Variants in TMPRSS11F observed in about 807,000 individuals in gnomAD.
TMPRSS11F encodes transmembrane protease serine 11F.
A neutral mutation model predicts 60.2 loss-of-function variants in TMPRSS11F; 47 were observed. The observed-to-expected ratio is 0.78, with a 90% CI of 0.62 to 1.00. The LOEUF (loss-of-function observed/expected upper bound fraction) is 1.00, where lower values mean the gene tolerates loss of function less well. Ranked by LOEUF, TMPRSS11F falls within the 50% of genes least tolerant of loss-of-function variation. The pLI is 0.00. For missense variants in TMPRSS11F, 519 were observed against 522.9 expected, an observed-to-expected ratio of 0.99 and a Z score of 0.07; for synonymous variants, 166 against 167.3, an observed-to-expected ratio of 0.99 and a Z score of 0.06.
intron 3 of TMPRSS11F, among the ~76,000 whole-genome samples, chr4:68,082,535 T>C (rs796544137): frequency 1.3e-5 from 2 of 152,332 alleles, no homozygotes; most frequent in Admixed American, 6.5e-5. Context: ...CCAAGGATGC[T>C]ACCTGGCTGC....
chr4:68,093,755 T>A (rs113984042), intron 2 of TMPRSS11F, among the ~76,000 whole-genome samples: 1,865 of 151,568 alleles, frequency 0.012, 35 homozygotes, highest in African/African-American at 0.043. Context: ...AACAGACACA[T>A]CTCAAAAGAA....
At chr4:68,060,429 C>T (rs1197437051) in intron 8 of TMPRSS11F, among the ~76,000 whole-genome samples, 4 of 127,662 alleles carry the variant, frequency 3.1e-5, no homozygotes, top group Non-Finnish European at 6.3e-5. Flanking sequence ...GGCAGGAGAA[C>T]GGCGTGAACC....
At chr4:68,125,109 T>A (rs1724691972) in intron 1 of TMPRSS11F, among the ~76,000 whole-genome samples, 1 of 151,806 alleles carries the variant, frequency 6.6e-6, no homozygotes, top group Non-Finnish European at 1.5e-5. Flanking sequence ...TTGAACCATA[T>A]GAAATTGCCT....
intron 8 of TMPRSS11F, among the ~76,000 whole-genome samples, chr4:68,060,631 GT>G (rs1723150087): frequency 7.5e-6 from 1 of 133,436 alleles, no homozygotes; most frequent in African/African-American, 2.8e-5. Flanking sequence ...ATTCCTACTC[GT>G]TTATTGTAAA....
rs747812705 is a variant in TMPRSS11F, at chr4:68,062,999, T to C, written c.1015+1686A>G. Reference sequence around the variant, plus strand: ...GAGAGACTGACATGCGGATGTACTTTCACTACAAGACATTTCTGACACGCT... The same window carrying C: ...GAGAGACTGACATGCGGATGTACTTCCACTACAAGACATTTCTGACACGCT... On this transcript the variant is annotated intron_variant, in intron 8 of 9. Transcript: ENST00000356291. The C allele has an allele frequency of 1.6e-5, 11 of 687,586 alleles. No individual in the cohort carries two copies. In the African/African-American group the frequency reaches 1.8e-4, roughly 11 times the overall value. The allele number at this position is 687,586 out of a possible 1,614,324, so 42.6% of individuals were successfully genotyped here.
At chr4:68,128,129 T>A (rs1027597584) in intron 1 of TMPRSS11F, among the ~76,000 whole-genome samples, 16 of 152,166 alleles carry the variant, frequency 1.1e-4, no homozygotes, top group Non-Finnish European at 2.1e-4. Context: ...ATAGTCTATC[T>A]GACTAATTCA....
At chr4:68,106,060 C>A (rs543614506) in intron 1 of TMPRSS11F, among the ~76,000 whole-genome samples, 1 of 152,214 alleles carries the variant, frequency 6.6e-6, no homozygotes, top group African/African-American at 2.4e-5. Flanking sequence ...GTTGTGACAT[C>A]ACATTAATGT....
intron 3 of TMPRSS11F, among the ~76,000 whole-genome samples, chr4:68,086,008 C>T (rs572113542): frequency 6.6e-6 from 1 of 152,230 alleles, no homozygotes; most frequent in East Asian, 1.9e-4. Context: ...TGGACAAAAA[C>T]TTGACACTTG....
chr4:68,057,819 A>G (rs1042860639), intron 9 of TMPRSS11F, among the ~76,000 whole-genome samples: 1 of 152,144 alleles, frequency 6.6e-6, no homozygotes, highest in African/African-American at 2.4e-5. Flanking sequence ...AATCAACCTC[A>G]GTGTTCATCA....
intron 3 of TMPRSS11F, among the ~76,000 whole-genome samples, chr4:68,082,391 T>C (rs1288686393): frequency 7.2e-5 from 11 of 152,038 alleles, no homozygotes. Context: ...CAGGAACCCA[T>C]CCTCCAAGGC....
At chr4:68,082,322 C>G (rs1723712661) in intron 3 of TMPRSS11F, among the ~76,000 whole-genome samples, 1 of 152,160 alleles carries the variant, frequency 6.6e-6, no homozygotes, top group Non-Finnish European at 1.5e-5. Context: ...GAGAGAGCTC[C>G]TGCCTGCATG....
chr4:68,083,321 G>A lies in TMPRSS11F; in HGVS notation c.282+7202C>T, dbSNP rs183180986. ...TGAGGGCATGGTGCCAGTGATTAAA[G>A]GGGGCCCCCTAAGGCACAGGGATGG... On this transcript the variant is annotated intron_variant, in intron 3 of 9. Transcript: ENST00000356291. 1.3e-3 allele frequency among the ~76,000 whole-genome samples: 195 copies of A among 152,284 alleles called. 1 individual carries two copies. The highest frequency in any genetic ancestry group is 4.4e-3 in the African/African-American group (184 of 41,556).
At chr4:68,102,486 C>T (rs562391059) in intron 1 of TMPRSS11F, among the ~76,000 whole-genome samples, 2 of 152,206 alleles carry the variant, frequency 1.3e-5, no homozygotes, top group South Asian at 2.1e-4. Flanking sequence ...CATTTGTTAC[C>T]TTTTGACTTT....
intron 1 of TMPRSS11F, among the ~76,000 whole-genome samples, chr4:68,116,863 A>T (rs1724530940): frequency 6.6e-6 from 1 of 152,174 alleles, no homozygotes; most frequent in Admixed American, 6.5e-5. Flanking sequence ...GAAAATTTAA[A>T]TATAAAACTG....
chr4:68,096,890 T>C (rs1002677454), intron 2 of TMPRSS11F, among the ~76,000 whole-genome samples: 1 of 152,216 alleles, frequency 6.6e-6, no homozygotes, highest in African/African-American at 2.4e-5. Context: ...ATAAAAGTAA[T>C]ATTTTAGAAA....
intron 2 of TMPRSS11F, among the ~76,000 whole-genome samples, chr4:68,091,753 C>CTATCTATCTA (rs373692229): frequency 0.078 from 7,852 of 100,986 alleles, 299 homozygotes; most frequent in South Asian, 0.12. Context: ...TCTAATCTCT[C>CTATCTATCTA]TCTCTCTCTC....
chr4:68,101,217 G>A (rs895110598), intron 1 of TMPRSS11F, among the ~76,000 whole-genome samples: 2 of 152,220 alleles, frequency 1.3e-5, no homozygotes, highest in South Asian at 4.1e-4. Context: ...GATGTAACTG[G>A]AATGTTGCCT....
At chr4:68,067,851 GGGTCTTTATTTAGA>G (rs1356285859) in intron 7 of TMPRSS11F, among the ~76,000 whole-genome samples, 1 of 152,166 alleles carries the variant, frequency 6.6e-6, no homozygotes, top group Non-Finnish European at 1.5e-5. Context: ...GCCAGGCAAA[GGGTCTTTATTTAGA>G]GTTTTGTCTT....
intron 3 of TMPRSS11F, among the ~76,000 whole-genome samples, chr4:68,088,614 C>T (rs929429576): frequency 6.6e-6 from 1 of 152,230 alleles, no homozygotes; most frequent in East Asian, 1.9e-4. Flanking sequence ...CACACCACAC[C>T]TATTCCAAAA....
Sources: allele counts gnomAD v4.1 joint callset (sites outside exome capture counted in the v4.1 genomes callset), GRCh38; gene constraint gnomAD v4.1.1; transcripts MANE v1.5; gene names NCBI Gene and HGNC (gene_info 2026-07-23, HGNC 2026-07-21).